Variants in CYB5A observed in about 807,000 individuals in gnomAD.
The protein encoded by CYB5A is cytochrome b5.
In CYB5A, 10 loss-of-function variants were observed where a neutral mutation model predicts 16.2. The ratio of observed to expected loss-of-function variants is 0.62; its 90% confidence interval spans 0.38 to 1.04. CYB5A has a LOEUF of 1.04. CYB5A is among the 50% of genes least tolerant of loss of function. The pLI is 0.01. For synonymous variants in CYB5A, 62 were observed against 57.0 expected, an observed-to-expected ratio of 1.09 and a Z score of -0.40; for missense variants, 161 against 165.9, an observed-to-expected ratio of 0.97 and a Z score of 0.16.
intron 4 of CYB5A, among the ~76,000 whole-genome samples, chr18:74,255,199 C>T (rs368043033): frequency 6.6e-6 from 1 of 152,112 alleles, no homozygotes; most frequent in African/African-American, 2.4e-5. Flanking sequence ...AAAAAAGTGG[C>T]TACTACTGAA....
chr18:74,266,811 T>C (rs1460660461), intron 1 of CYB5A, among the ~76,000 whole-genome samples: 1 of 141,560 alleles, frequency 7.1e-6, no homozygotes, highest in African/African-American at 2.6e-5. Context: ...TGATAACTCA[T>C]GTAAAATTTT....
At chr18:74,274,029 C>G (rs80223471) in intron 1 of CYB5A, among the ~76,000 whole-genome samples, 86 of 152,308 alleles carry the variant, frequency 5.6e-4, no homozygotes, top group East Asian at 4.4e-3. Context: ...CAAATGCTCC[C>G]TACTTCAGTA....
intron 1 of CYB5A, among the ~76,000 whole-genome samples, chr18:74,287,670 G>A (rs143472484): frequency 6.6e-6 from 1 of 152,280 alleles, no homozygotes; most frequent in African/African-American, 2.4e-5. Context: ...TGATGTAAAG[G>A]GAGAGGAGAC....
chr18:74,271,460 G>C (rs764933524), intron 1 of CYB5A, among the ~76,000 whole-genome samples: 7 of 152,116 alleles, frequency 4.6e-5, no homozygotes, highest in Non-Finnish European at 8.8e-5. Context: ...TCATCCCACA[G>C]TGCAGTTTGA....
chr18:74,271,016 G>C (rs1428350831), intron 1 of CYB5A, among the ~76,000 whole-genome samples: 1 of 152,152 alleles, frequency 6.6e-6, no homozygotes, highest in Non-Finnish European at 1.5e-5. Flanking sequence ...CCAGTTCAGT[G>C]GCTGATGGGA....
chr18:74,253,420 GAC>G lies in CYB5A; in HGVS notation c.*162_*163del, dbSNP rs1321660090. The G allele has an allele frequency of 5.2e-6, 3 of 576,810 alleles. No individual in the cohort carries two copies. Among genetic ancestry groups the G allele is most frequent in the Non-Finnish European group, 6.3e-6 (2 of 316,614 alleles). 35.7% of individuals were successfully genotyped at this position (576,810 alleles called of 1,614,324 possible). A position where few individuals can be genotyped will look rare whatever the true frequency, so the allele number is the denominator to read the frequency against. On this transcript the variant is annotated 3_prime_UTR_variant, in exon 5 of 5. Transcript: ENST00000340533. ...ACTCGAAAAATTTGAGCGCAGAAAG[GAC>G]AGTTCTTTTTGTTTTGTTTCTAATG...
chr18:74,279,392 G>A (rs914490016), intron 1 of CYB5A, among the ~76,000 whole-genome samples: 6 of 152,202 alleles, frequency 3.9e-5, no homozygotes, highest in Non-Finnish European at 5.9e-5. Flanking sequence ...AGCCAGGCAT[G>A]GTGTCAGCCA....
chr18:74,273,271 C>T (rs1272312732), intron 1 of CYB5A, among the ~76,000 whole-genome samples: 2 of 152,174 alleles, frequency 1.3e-5, no homozygotes, highest in Non-Finnish European at 2.9e-5. Flanking sequence ...TGCCCAACAC[C>T]AGTCATCCCA....
chr18:74,259,972 G>C (rs1355732425), intron 3 of CYB5A: 1 of 152,106 alleles, frequency 6.6e-6, no homozygotes, highest in Non-Finnish European at 1.5e-5. Context: ...GTACTAAATA[G>C]TATTACACAA....
chr18:74,260,962 G>T lies in CYB5A; in HGVS notation c.259-18C>A, dbSNP rs1245901209. ...CTGTCATCCTGCAATGAAAAGATAA[G>T]GCACATTATGGAATTTAAAAATCTA... On this transcript the variant is annotated intron_variant, in intron 2 of 4. Transcript: ENST00000340533. 1.2e-6 allele frequency: 2 copies of T among 1,605,680 alleles called. No homozygotes were observed. Among genetic ancestry groups the T allele is most frequent in the East Asian group, 2.2e-5 (1 of 44,794 alleles).
chr18:74,266,548 C>A (rs1400517038), intron 1 of CYB5A, among the ~76,000 whole-genome samples: 1 of 152,148 alleles, frequency 6.6e-6, no homozygotes, highest in Non-Finnish European at 1.5e-5. Flanking sequence ...GAATTCTGAT[C>A]TTTACAGTGC....
intron 3 of CYB5A, chr18:74,259,311 T>G (rs1039208012): frequency 1.3e-5 from 2 of 152,232 alleles, no homozygotes; most frequent in African/African-American, 4.8e-5. Flanking sequence ...TCAGGAAAGC[T>G]TTCTTTGATA....
At chr18:74,266,837 TAA>T (rs573568747) in intron 1 of CYB5A, among the ~76,000 whole-genome samples, 4 of 73,456 alleles carry the variant, frequency 5.4e-5, no homozygotes, top group African/African-American at 1.9e-4. Flanking sequence ...TTTAAAAAAC[TAA>T]AAAAAAAAAA....
intron 4 of CYB5A, among the ~76,000 whole-genome samples, chr18:74,254,401 CAAA>C (rs35917281): frequency 1.0e-3 from 113 of 110,422 alleles, no homozygotes; most frequent in Admixed American, 3.4e-3. Context: ...CTAAATTCAC[CAAA>C]AAAAAAAAAA....
At chr18:74,284,526 A>G (rs1983245998) in intron 1 of CYB5A, among the ~76,000 whole-genome samples, 1 of 152,236 alleles carries the variant, frequency 6.6e-6, no homozygotes, top group East Asian at 1.9e-4. Context: ...AATTCTGGAC[A>G]CAGCTGCACA....
At chr18:74,282,958 C>A (rs1983176557) in intron 1 of CYB5A, among the ~76,000 whole-genome samples, 1 of 152,152 alleles carries the variant, frequency 6.6e-6, no homozygotes, top group Non-Finnish European at 1.5e-5. Context: ...TCACACTTTT[C>A]AATGCCATAA....
intron 1 of CYB5A, among the ~76,000 whole-genome samples, chr18:74,267,796 C>T (rs114527452): frequency 3.0e-3 from 458 of 152,294 alleles, no homozygotes; most frequent in African/African-American, 0.01. Context: ...GGATCCACTT[C>T]GGCGAAGTCA....
chr18:74,257,942 G>T (rs1322467073), intron 3 of CYB5A: 1 of 152,180 alleles, frequency 6.6e-6, no homozygotes, highest in Non-Finnish European at 1.5e-5. Flanking sequence ...AGTATGTCAT[G>T]CATAATGACT....
rs149258397 is a variant in CYB5A at position 74,263,406 on chromosome 18, C to T, written c.201G>A (p.Gly67=). The change falls in exon 2 of 5, where the codon GGG becomes GGA. Residue 67 remains glycine, a synonymous_variant. Coordinates refer to ENST00000340533, the MANE Select transcript of CYB5A (RefSeq NM_148923.4). ...ACATTTCCCTGGCATCTGTAGAGTG[C>T]CCGACATCCTCAAAGTTCTCAGTAG... ...GDATENFEDV[G]HSTDAREMSK... is the part of the protein sequence containing the mutation. 1.9e-6 allele frequency: 3 copies of T among 1,613,968 alleles called. No individual in the cohort carries two copies. The African/African-American group carries it at 4.0e-5, about 22-fold the overall frequency.
Sources: gnomAD v4.1 joint callset for allele counts (sites outside exome capture counted in the v4.1 genomes callset) on GRCh38, gnomAD v4.1.1 for gene constraint, MANE v1.5 for transcripts, NCBI Gene and HGNC (gene_info 2026-07-23, HGNC 2026-07-21) for gene names.